The following TNXB variants were observed in gnomAD, a reference collection of about 807,000 sequenced individuals.
TNXB encodes tenascin XB, also known as tenascin-X.
In TNXB, 183 loss-of-function variants were observed where a neutral mutation model predicts 340.5. That is an observed-to-expected ratio of 0.54 (90% CI 0.48 to 0.61). The LOEUF (loss-of-function observed/expected upper bound fraction) is 0.61. Among genes scored for constraint, TNXB ranks in the 20% least tolerant of loss-of-function variants. The pLI is 0.00. For synonymous variants in TNXB, 2,121 were observed against 2,314.5 expected (o/e 0.92, Z 2.40); for missense variants, 4,613 against 5,446.4 (o/e 0.85, Z 4.82).
At chr6:32,048,058 G>A in intron 29 of TNXB, 46 bp from the exon 30 acceptor site, 2 of 1,575,010 alleles carry the variant, frequency 1.3e-6, no homozygotes, top group Non-Finnish European at 1.7e-6. Context: ...GGAGGCAAAG[G>A]GGCCACGGAG....
At chr6:32,076,879 G>T (rs1779110225) in intron 11 of TNXB, among the ~76,000 whole-genome samples, 1 of 152,204 alleles carries the variant, frequency 6.6e-6, no homozygotes, top group South Asian at 2.1e-4. Flanking sequence ...CTACTTGGGG[G>T]GCTGAGGCAG....
At chr6:32,104,536 C>T (rs958694007) in intron 1 of TNXB, among the ~76,000 whole-genome samples, 4 of 152,318 alleles carry the variant, frequency 2.6e-5, no homozygotes, top group Admixed American at 2.6e-4. Flanking sequence ...TTCTCATAAA[C>T]ATCTCTTTAA....
intron 11 of TNXB, among the ~76,000 whole-genome samples, chr6:32,077,366 A>G (rs757103471): frequency 6.6e-6 from 1 of 152,356 alleles, no homozygotes; most frequent in South Asian, 2.1e-4. Flanking sequence ...AATGAAATCA[A>G]CCAAGTCATG....
Position 32,058,480 on chromosome 6 carries a change from T to A in TNXB, c.7493-90A>T, listed in dbSNP as rs3130285. ...GTCAACAGAGGTCATACATCAAATGTGCCCCTCCAGAGCAGGCTGAGGGCT... is the reference window on the plus strand; with the variant it reads ...GTCAACAGAGGTCATACATCAAATGAGCCCCTCCAGAGCAGGCTGAGGGCT... On this transcript the variant is annotated intron_variant, in intron 21 of 43. Transcript: ENST00000644971. This position sits in a 1 kb window ranked among gnomAD's most constrained non-coding sequence, Gnocchi z 5.1. 9.1e-7 allele frequency: 1 copy of A among 1,098,100 alleles called. No individual in the cohort carries two copies. The highest frequency in any genetic ancestry group is 1.7e-5 in the South Asian group (1 of 57,908). The allele number at this position is 1,098,100 out of a possible 1,614,324, so 68.0% of individuals were successfully genotyped here.
Position 32,096,919 on chromosome 6 carries a change from G to A in TNXB, c.934C>T (p.Pro312Ser), listed in dbSNP as rs760781625. ...CGTCCCCGCTGGCTGCAGCCCCGAG[G>A]GCAGCTCCTCACCCCACAGTCCTCG... ...TGEDCGVRSCPRGCSQRGRCK... is the reference protein window; with the variant it reads ...TGEDCGVRSCSRGCSQRGRCK... The change falls in exon 3 of 44, where the codon CCT becomes TCT. Residue 312 changes from proline (P) to serine (S), a missense_variant. Transcript: ENST00000644971. 1.3e-6 allele frequency: 2 copies of A among 1,579,904 alleles called. No homozygotes were observed. The highest frequency in any genetic ancestry group is 1.7e-6 in the Non-Finnish European group (2 of 1,150,980).
At position 32,052,952 on chromosome 6, in the gene TNXB, C is replaced by T. The variant is rs1243248725; in HGVS notation, c.8833G>A (p.Glu2945Lys). Residue 2945 changes from glutamate (E) to lysine (K), a missense_variant, in exon 26 of 44, where the codon GAG becomes AAG. By Grantham distance (56) the Glu-to-Lys change is moderately conservative. This residue lies in a region of TNXB where 4,327 missense variants were observed against 4,859.4 expected (regional missense o/e 0.89). Transcript: ENST00000644971. The surrounding 1 kb of genome is among the most constrained non-coding windows in gnomAD (Gnocchi z 4.7). ...GGCTCCTCAGGGGGCTCCGGGGCCT[C>T]CGTGCTGGGTTCTGTGGGGGCGGGA... is the stretch of plus-strand genomic sequence containing the variant. ...ETPAPTEPST[E>K]APEPPEEPLL... is the part of the protein sequence containing the mutation. 6.2e-7 allele frequency: 1 copy of T among 1,612,570 alleles called. No homozygotes were observed. Among genetic ancestry groups the T allele is most frequent in the South Asian group, 1.1e-5 (1 of 91,058 alleles).
Position 32,061,808 on chromosome 6 carries a change from G to T in TNXB, c.7169-88C>A. 1 of 1,509,770 alleles carries T rather than the reference G, an allele frequency of 6.6e-7. No homozygotes were observed. The allele number at this position is 1,509,770 out of a possible 1,614,324, so 93.5% of individuals were successfully genotyped here. On this transcript the variant is annotated intron_variant, in intron 20 of 43. Transcript: ENST00000644971. This position sits in a 1 kb window ranked among gnomAD's most constrained non-coding sequence, Gnocchi z 4.4. ...AAAAGGAGGGAGAAGGCTATGACTA[G>T]GGGACATATGAAATAGCCAAGGCTA...
chr6:32,084,401 G>T lies in TNXB; in HGVS notation c.3445+12C>A. Reference sequence around the variant, plus strand: ...GCAGTACAGAGGGCAGGGTGTTACTGCTGTCACTCACAGATCTTGGCTTCA... The same window carrying T: ...GCAGTACAGAGGGCAGGGTGTTACTTCTGTCACTCACAGATCTTGGCTTCA... On this transcript the variant is annotated intron_variant, in intron 8 of 43. Transcript: ENST00000644971. This position sits in a 1 kb window ranked among gnomAD's most constrained non-coding sequence, Gnocchi z 5.5. The T allele has an allele frequency of 6.3e-7, 1 of 1,575,712 alleles. No homozygotes were observed. The highest frequency in any genetic ancestry group is 8.6e-7 in the Non-Finnish European group (1 of 1,157,240).
In TNXB at chr6:32,048,512, G is replaced by A. The variant is rs774770198; in HGVS notation, c.9896C>T (p.Ala3299Val). The change falls in exon 29 of 44, where the codon GCG (alanine) becomes GTG (valine). Residue 3299 changes from alanine (A) to valine (V), a missense_variant. Coordinates refer to ENST00000644971, the MANE Select transcript of TNXB (RefSeq NM_001365276.2). ...AGGCACTGCCTGGGGCTGCCCCTGC[G>A]CGTCCCTGTACTGTACCAGGAAGGA... The part of the protein sequence containing the change: ...FDSFLVQYRD[A>V]QGQPQAVPVS... 3.8e-6 allele frequency: 6 copies of A among 1,596,630 alleles called. No individual in the cohort carries two copies. Among genetic ancestry groups the A allele is most frequent in the East Asian group, 2.3e-5 (1 of 44,430 alleles).
chr6:32,081,742 G>T lies in TNXB; in HGVS notation c.3737-69C>A. The T allele has an allele frequency of 9.4e-7, 1 of 1,060,290 alleles. No homozygotes were observed. The highest frequency in any genetic ancestry group is 1.3e-6 in the Non-Finnish European group (1 of 750,040). The allele number at this position is 1,060,290 out of a possible 1,614,324, so 65.7% of individuals were successfully genotyped here. On this transcript the variant is annotated intron_variant, in intron 9 of 43. Transcript: ENST00000644971. The surrounding 1 kb of genome is among the most constrained non-coding windows in gnomAD (Gnocchi z 5.1). ...GGACTGGGGCTTGGGGTTTCGACGG[G>T]ATGTCACACCTATGGGGGGTGGGGG...
intron 1 of TNXB, among the ~76,000 whole-genome samples, chr6:32,102,308 T>C (rs1214578023): frequency 6.6e-6 from 1 of 152,210 alleles, no homozygotes; most frequent in Non-Finnish European, 1.5e-5. Context: ...AATGACTGCA[T>C]AGTTCTTCCA....
chr6:32,065,250 A>C, intron 18 of TNXB, 133 bp from the exon 19 acceptor site: 2 of 844,982 alleles, frequency 2.4e-6, no homozygotes, highest in Non-Finnish European at 3.5e-6. Flanking sequence ...TATAATCATA[A>C]TCAGATTTTG....
chr6:32,093,142 A>G, intron 4 of TNXB: 1 of 481,994 alleles, frequency 2.1e-6, no homozygotes, highest in Non-Finnish European at 3.7e-6. Context: ...ATTTCTTAAG[A>G]AACTTCCTTT....
Position 32,062,513 on chromosome 6 carries a change from G to A in TNXB, c.6842-30C>T. The A allele has an allele frequency of 6.5e-7, 1 of 1,544,360 alleles. No individual in the cohort carries two copies. The highest frequency in any genetic ancestry group is 8.8e-7 in the Non-Finnish European group (1 of 1,141,420). On this transcript the variant is annotated intron_variant, in intron 19 of 43. Coordinates refer to ENST00000644971, the MANE Select transcript of TNXB (RefSeq NM_001365276.2). This position sits in a 1 kb window ranked among gnomAD's most constrained non-coding sequence, Gnocchi z 4.3. The stretch of plus-strand genomic sequence containing the variant: ...ATCAGAAAATAGAATGGGTGGGCAT[G>A]CCTGGTGGGCCTCCTTTTAACCAAG...
rs1336093664 is a variant in TNXB at position 32,086,042 on chromosome 6, C to T, written c.2856G>A (p.Gln952=). 13 of 1,603,386 alleles carry T rather than the reference C, an allele frequency of 8.1e-6. No homozygotes were observed. In the South Asian group the frequency reaches 1.5e-4, roughly 18 times the overall value. ...GGGGGCGCTGCTGCAGGAGAGGAGC[C>T]TGGGCCCCTTGCGTCGTCGAGGGGC... ...PSGPSTTQGA[Q]APLLQQRPQE... The change falls in exon 7 of 44, where the codon CAG becomes CAA. Residue 952 remains glutamine, a synonymous_variant. Transcript: ENST00000644971.
At chr6:32,056,987 A>C (rs1313772490) in intron 22 of TNXB, 84 bp from the exon 23 acceptor site, 2 of 1,532,518 alleles carry the variant, frequency 1.3e-6, no homozygotes, top group African/African-American at 2.8e-5. Flanking sequence ...CAAAACACAA[A>C]GTGCCCAAGA....
chr6:32,054,162 T>G (rs762341024), intron 24 of TNXB, among the ~76,000 whole-genome samples: 1 of 150,628 alleles, frequency 6.6e-6, no homozygotes, highest in Non-Finnish European at 1.5e-5. Context: ...CTCCCCCGAG[T>G]TTCCCTGGAT....
chr6:32,084,393 G>A lies in TNXB; in HGVS notation c.3445+20C>T. 6.4e-7 allele frequency: 1 copy of A among 1,569,718 alleles called. No individual in the cohort carries two copies. Among genetic ancestry groups the A allele is most frequent in the Non-Finnish European group, 8.7e-7 (1 of 1,154,244 alleles). On this transcript the variant is annotated intron_variant, in intron 8 of 43. Coordinates refer to ENST00000644971, the MANE Select transcript of TNXB (RefSeq NM_001365276.2). This position sits in a 1 kb window ranked among gnomAD's most constrained non-coding sequence, Gnocchi z 5.5. Reference sequence around the variant, plus strand: ...TCTTCAGGGCAGTACAGAGGGCAGGGTGTTACTGCTGTCACTCACAGATCT... The same window carrying A: ...TCTTCAGGGCAGTACAGAGGGCAGGATGTTACTGCTGTCACTCACAGATCT...
chr6:32,100,102 G>T (rs1780638283), intron 1 of TNXB, among the ~76,000 whole-genome samples: 1 of 150,474 alleles, frequency 6.6e-6, no homozygotes, highest in Admixed American at 6.6e-5. Context: ...GAGTAAGCAA[G>T]ATTTCTTTTT....
Sources: gnomAD v4.1 joint callset for allele counts (sites outside exome capture counted in the v4.1 genomes callset) on GRCh38, gnomAD v4.1.1 for gene constraint, gnomAD v4.1.1 regional missense constraint, Gnocchi (gnomAD v3.1) non-coding constraint, MANE v1.5 for transcripts, NCBI Gene and HGNC (gene_info 2026-07-23, HGNC 2026-07-21) for gene names.